Variants in SGPP2 observed in about 807,000 individuals in gnomAD.
SGPP2 encodes the protein sphingosine-1-phosphate phosphatase 2.
Under a neutral mutation model 33.9 loss-of-function variants are expected in SGPP2, and 30 were observed. That is an observed-to-expected ratio of 0.89 (90% CI 0.66 to 1.20). The LOEUF (loss-of-function observed/expected upper bound fraction) is 1.20, where lower values mean the gene tolerates loss of function less well. SGPP2 is among the 50% of genes most tolerant of loss of function. SGPP2 has a pLI of 0.00. For missense variants in SGPP2, 458 were observed against 532.1 expected (o/e 0.86, Z 1.37); for synonymous variants, 233 against 225.0 (o/e 1.04, Z -0.32).
chr2:222,506,595 A>T (rs1190247377), intron 2 of SGPP2, among the ~76,000 whole-genome samples: 1 of 152,328 alleles, frequency 6.6e-6, no homozygotes, highest in African/African-American at 2.4e-5. Flanking sequence ...TATAACAAAC[A>T]AAATATGTGT....
chr2:222,493,467 A>G (rs1698228345), intron 2 of SGPP2, among the ~76,000 whole-genome samples: 1 of 152,186 alleles, frequency 6.6e-6, no homozygotes, highest in Non-Finnish European at 1.5e-5. Flanking sequence ...TGTGTGGATT[A>G]CAGGAATTAC....
intron 2 of SGPP2, among the ~76,000 whole-genome samples, chr2:222,487,255 T>G (rs1021640053): frequency 3.9e-5 from 6 of 152,224 alleles, no homozygotes; most frequent in African/African-American, 1.4e-4. Context: ...TTATTTTACC[T>G]AGCCCATGTT....
rs1005223238 is a variant in SGPP2, at chr2:222,561,111, A to AG, written c.*2213_*2214insG. On this transcript the variant is annotated 3_prime_UTR_variant, in exon 5 of 5. Coordinates refer to ENST00000321276, the MANE Select transcript of SGPP2 (RefSeq NM_152386.4). Reference sequence around the variant, plus strand: ...CAGAGCGAGACTCTCTCAAAAAAAAAAAAAAAGAATTTTTAGCAAAACATC... The same window carrying AG: ...CAGAGCGAGACTCTCTCAAAAAAAAAGAAAAAAGAATTTTTAGCAAAACATC... Among the ~76,000 whole-genome samples, 3 of 152,108 alleles carry AG rather than the reference A, an allele frequency of 2.0e-5. No individual in the cohort carries two copies. The highest frequency in any genetic ancestry group is 1.5e-5 in the Non-Finnish European group (1 of 68,024).
At chr2:222,457,175 A>G (rs1236908496) in intron 1 of SGPP2, among the ~76,000 whole-genome samples, 7 of 151,876 alleles carry the variant, frequency 4.6e-5, no homozygotes, top group African/African-American at 1.5e-4. Flanking sequence ...GGTTTTTTTA[A>G]TTGTTCATTT....
At position 222,562,311 on chromosome 2, in the gene SGPP2, C is replaced by A. The variant is rs1206589325; in HGVS notation, c.*3413C>A. On this transcript the variant is annotated 3_prime_UTR_variant, in exon 5 of 5. Transcript: ENST00000321276. ...TCATTTCATGCCAGTTTTGCTCAAA[C>A]CTGCACCGTCACAAGATATTCAGAA... is the stretch of plus-strand genomic sequence containing the variant. Among the ~76,000 whole-genome samples the A allele has an allele frequency of 6.6e-6, 1 of 152,180 alleles. No homozygotes were observed. The highest frequency in any genetic ancestry group is 6.5e-5 in the Admixed American group (1 of 15,288).
chr2:222,483,655 G>A (rs546189108), intron 2 of SGPP2, among the ~76,000 whole-genome samples: 1 of 152,286 alleles, frequency 6.6e-6, no homozygotes, highest in Admixed American at 6.5e-5. Flanking sequence ...AGTGTGTTTT[G>A]GGATGTGGGC....
rs1697943712 is a variant in SGPP2, at chr2:222,476,888, G to A, written c.378+2162G>A. Among the ~76,000 whole-genome samples, 1 of 151,710 alleles carries A rather than the reference G, an allele frequency of 6.6e-6. No homozygotes were observed. The highest frequency in any genetic ancestry group is 2.4e-5 in the African/African-American group (1 of 41,226). ...TATATATAGGTGTGTGTATATATGT[G>A]TGTTTATTGTATGTATATAGATGTG... is the stretch of plus-strand genomic sequence containing the variant. On this transcript the variant is annotated intron_variant, in intron 2 of 4. Transcript: ENST00000321276. The surrounding 1 kb of genome is among the most constrained non-coding windows in gnomAD (Gnocchi z 4.3).
intron 4 of SGPP2, among the ~76,000 whole-genome samples, chr2:222,532,692 A>G (rs1003449512): frequency 6.6e-6 from 1 of 152,184 alleles, no homozygotes; most frequent in African/African-American, 2.4e-5. Context: ...AGCTGCTCTT[A>G]CACCACTGCT....
chr2:222,541,812 G>A (rs908414544), intron 4 of SGPP2, among the ~76,000 whole-genome samples: 5 of 151,932 alleles, frequency 3.3e-5, no homozygotes, highest in Non-Finnish European at 7.4e-5. Context: ...AGGTTGGCCA[G>A]GCTGGTCTTG....
chr2:222,501,338 G>A (rs931337327), intron 2 of SGPP2, among the ~76,000 whole-genome samples: 2 of 148,978 alleles, frequency 1.3e-5, no homozygotes, highest in African/African-American at 4.9e-5. Flanking sequence ...TTTTTTTTGA[G>A]TGATCACCAC....
At chr2:222,461,596 CTAGATGGTCCCATCTAAGGG>C (rs1409783660) in intron 1 of SGPP2, among the ~76,000 whole-genome samples, 1 of 151,940 alleles carries the variant, frequency 6.6e-6, no homozygotes, top group Non-Finnish European at 1.5e-5. Context: ...TTTCCTGCAA[CTAGATGGTCCCATCTAAGGG>C]TGATGGGAGA....
chr2:222,546,668 G>C (rs1340315798), intron 4 of SGPP2, among the ~76,000 whole-genome samples: 3 of 152,086 alleles, frequency 2.0e-5, no homozygotes, highest in Admixed American at 6.6e-5. Context: ...CTCTGCATGA[G>C]AGCACCCATG....
chr2:222,556,606 A>AT, intron 4 of SGPP2, among the ~76,000 whole-genome samples: 1 of 21,240 alleles, frequency 4.7e-5, no homozygotes, highest in African/African-American at 2.0e-4. Context: ...CTCCTCCCCC[A>AT]TCCCCCCTCA....
intron 1 of SGPP2, among the ~76,000 whole-genome samples, chr2:222,468,310 T>A (rs566014143): frequency 2.8e-4 from 43 of 152,030 alleles, no homozygotes; most frequent in African/African-American, 1.0e-3. Flanking sequence ...TTTCAATGAG[T>A]ACTTTCAATC....
At chr2:222,511,853 T>G (rs1410348747) in intron 2 of SGPP2, among the ~76,000 whole-genome samples, 1 of 151,924 alleles carries the variant, frequency 6.6e-6, no homozygotes, top group Admixed American at 6.6e-5. Flanking sequence ...AGTTTTTGTA[T>G]TTTTTTGTAG....
intron 4 of SGPP2, among the ~76,000 whole-genome samples, chr2:222,549,873 CTTTT>C (rs895966296): frequency 3.4e-5 from 5 of 148,052 alleles, no homozygotes; most frequent in African/African-American, 1.2e-4. Flanking sequence ...TTTTTCTTTT[CTTTT>C]CTTTTCTTTT....
intron 1 of SGPP2, among the ~76,000 whole-genome samples, chr2:222,470,081 A>G (rs1697815321): frequency 6.6e-6 from 1 of 152,148 alleles, no homozygotes; most frequent in Non-Finnish European, 1.5e-5. Context: ...ACATGGACAC[A>G]GGGAGGGGAA....
intron 4 of SGPP2, among the ~76,000 whole-genome samples, chr2:222,533,504 A>T (rs895103148): frequency 1.3e-5 from 2 of 152,228 alleles, no homozygotes; most frequent in African/African-American, 4.8e-5. Context: ...CCACAATTGA[A>T]TATGCCCAAA....
At chr2:222,486,173 C>T (rs148867909) in intron 2 of SGPP2, among the ~76,000 whole-genome samples, 140 of 152,204 alleles carry the variant, frequency 9.2e-4, no homozygotes, top group African/African-American at 3.3e-3. Context: ...ATTTGCTATG[C>T]GGAAGCTGGG....
Sources: gnomAD v4.1 joint callset for allele counts (sites outside exome capture counted in the v4.1 genomes callset) on GRCh38, gnomAD v4.1.1 for gene constraint, Gnocchi (gnomAD v3.1) non-coding constraint, MANE v1.5 for transcripts, NCBI Gene and HGNC (gene_info 2026-07-23, HGNC 2026-07-21) for gene names.